NXPE2: variants seen among roughly 807,000 people sequenced by gnomAD.
NXPE2 encodes neurexophilin and PC-esterase domain family member 2.
A neutral mutation model predicts 34.4 loss-of-function variants in NXPE2; 34 were observed. The ratio of observed to expected loss-of-function variants is 0.99; its 90% CI spans 0.75 to 1.31. NXPE2 has a LOEUF of 1.31. Ranked by LOEUF, NXPE2 falls within the 40% of genes most tolerant of loss-of-function variation. The probability of loss-of-function intolerance (pLI) is 0.00; values close to 1 mark genes in which losing one functional copy is unlikely to be tolerated. For synonymous variants in NXPE2, 235 were observed against 231.3 expected (o/e 1.02, Z -0.15); for missense variants, 649 against 672.5 (o/e 0.97, Z 0.39).
chr11:114,777,097 A>G, the NXPE2 span, among the ~76,000 whole-genome samples: 1 of 152,230 alleles, frequency 6.6e-6, no homozygotes, highest in African/African-American at 2.4e-5. Flanking sequence ...TTTCACAATG[A>G]TTTTTATGAA....
the NXPE2 span, among the ~76,000 whole-genome samples, chr11:114,776,724 G>C: frequency 2.0e-5 from 3 of 152,194 alleles, no homozygotes; most frequent in Admixed American, 2.0e-4. Context: ...AGGTGATCCT[G>C]TTTAAGTGGG....
chr11:114,562,916 G>A, the NXPE2 span, among the ~76,000 whole-genome samples: 20,276 of 152,124 alleles, frequency 0.13, 1,643 homozygotes, highest in Non-Finnish European at 0.19. Context: ...ATACATGGTC[G>A]TTGGTGTTCA....
chr11:114,691,807 T>G (rs1322939261), intron 2 of NXPE2, among the ~76,000 whole-genome samples: 1 of 151,682 alleles, frequency 6.6e-6, no homozygotes, highest in East Asian at 1.9e-4. Flanking sequence ...CAGATAGTGC[T>G]GAGGGTTAGA....
At chr11:114,538,950 T>C in the NXPE2 span, among the ~76,000 whole-genome samples, 2 of 152,130 alleles carry the variant, frequency 1.3e-5, no homozygotes, top group South Asian at 2.1e-4. Flanking sequence ...ACCCAAAGGA[T>C]TATAAATCAT....
chr11:114,587,786 C>A, the NXPE2 span, among the ~76,000 whole-genome samples: 1 of 152,152 alleles, frequency 6.6e-6, no homozygotes, highest in African/African-American at 2.4e-5. Context: ...AACAGACCAT[C>A]TTTGGTCTGC....
the NXPE2 span, among the ~76,000 whole-genome samples, chr11:114,464,874 T>C: frequency 6.6e-6 from 1 of 151,540 alleles, no homozygotes; most frequent in Non-Finnish European, 1.5e-5. Flanking sequence ...AGAAATCCAA[T>C]AGACAAATGA....
the NXPE2 span, among the ~76,000 whole-genome samples, chr11:114,493,519 A>G: frequency 6.6e-6 from 1 of 152,194 alleles, no homozygotes; most frequent in South Asian, 2.1e-4. Flanking sequence ...AGGTTTTCAA[A>G]TAATATCTTA....
At chr11:114,491,416 C>G in the NXPE2 span, among the ~76,000 whole-genome samples, 1 of 152,066 alleles carries the variant, frequency 6.6e-6, no homozygotes, top group Non-Finnish European at 1.5e-5. Flanking sequence ...AAATGCTCAT[C>G]ATCACTGGCC....
the NXPE2 span, chr11:114,583,821 C>T: frequency 4.8e-6 from 2 of 420,976 alleles, no homozygotes; most frequent in South Asian, 3.7e-5. Flanking sequence ...TTCTATATTA[C>T]AGGCTAGGCC....
At chr11:114,810,830 A>G in the NXPE2 span, among the ~76,000 whole-genome samples, 7 of 152,132 alleles carry the variant, frequency 4.6e-5, no homozygotes, top group Non-Finnish European at 5.9e-5. Flanking sequence ...CAGCCATCCC[A>G]TTACTGGGTA....
chr11:114,712,608 A>G, the NXPE2 span, among the ~76,000 whole-genome samples: 2 of 152,178 alleles, frequency 1.3e-5, no homozygotes, highest in African/African-American at 2.4e-5. Context: ...TCAACAGAAC[A>G]CAAAACAGCA....
chr11:114,692,903 C>G (rs1951179812), intron 2 of NXPE2, among the ~76,000 whole-genome samples: 1 of 152,078 alleles, frequency 6.6e-6, no homozygotes, highest in Non-Finnish European at 1.5e-5. Context: ...TATCTACTTT[C>G]TACGCTGGCT....
chr11:114,593,183 T>C, the NXPE2 span, among the ~76,000 whole-genome samples: 1 of 152,048 alleles, frequency 6.6e-6, no homozygotes, highest in African/African-American at 2.4e-5. Flanking sequence ...AATGGGATTA[T>C]ATAAAACTAA....
chr11:114,614,240 C>G, the NXPE2 span, among the ~76,000 whole-genome samples: 5 of 151,892 alleles, frequency 3.3e-5, no homozygotes, highest in African/African-American at 1.2e-4. Flanking sequence ...TGGGTAACCA[C>G]TGTTACCCTG....
chr11:114,522,873 A>G, the NXPE2 span: 12 of 1,592,144 alleles, frequency 7.5e-6, no homozygotes, highest in African/African-American at 1.3e-5. Flanking sequence ...TAAAGTAACT[A>G]CCTACTTTTT....
chr11:114,625,825 G>A, the NXPE2 span, among the ~76,000 whole-genome samples: 14 of 152,216 alleles, frequency 9.2e-5, no homozygotes, highest in East Asian at 3.9e-4. Flanking sequence ...AGCACACCAC[G>A]TGCAAGCTGA....
the NXPE2 span, among the ~76,000 whole-genome samples, chr11:114,537,131 C>T: frequency 6.6e-6 from 1 of 152,002 alleles, no homozygotes; most frequent in South Asian, 2.1e-4. Context: ...TCAACATATG[C>T]AAATCAATAA....
the NXPE2 span, among the ~76,000 whole-genome samples, chr11:114,801,874 G>C: frequency 6.6e-6 from 1 of 152,134 alleles, no homozygotes. Flanking sequence ...GGAGAGGGAT[G>C]AGTGTTGTGT....
chr11:114,555,656 C>T, the NXPE2 span, among the ~76,000 whole-genome samples: 1 of 152,214 alleles, frequency 6.6e-6, no homozygotes, highest in African/African-American at 2.4e-5. Flanking sequence ...TTTTGTCCTC[C>T]TCCTGTGCAT....
Sources: gnomAD v4.1 joint callset for allele counts (sites outside exome capture counted in the v4.1 genomes callset) on GRCh38, gnomAD v4.1.1 for gene constraint, MANE v1.5 for transcripts, NCBI Gene and HGNC (gene_info 2026-07-23, HGNC 2026-07-21) for gene names.